Variants in TMEM247 observed in about 807,000 individuals in gnomAD.
TMEM247 encodes the protein transmembrane protein 247.
In TMEM247, 23 loss-of-function variants were observed where a neutral mutation model predicts 20.7. The ratio of observed to expected loss-of-function variants is 1.11; its 90% CI spans 0.80 to 1.57. The LOEUF is 1.57. Among genes scored for constraint, TMEM247 ranks in the 40% most tolerant of loss-of-function variants. The probability of loss-of-function intolerance (pLI) is 0.00; values close to 1 mark genes in which losing one functional copy is unlikely to be tolerated. For synonymous variants in TMEM247, 106 were observed against 111.9 expected, an observed-to-expected ratio of 0.95 and a Z score of 0.33; for missense variants, 354 against 283.8, an observed-to-expected ratio of 1.25 and a Z score of -1.78.
At chr2:46,482,691 AGTCCAGGG>A (rs1239395262) in intron 2 of TMEM247, among the ~76,000 whole-genome samples, 1 of 152,106 alleles carries the variant, frequency 6.6e-6, no homozygotes, top group Non-Finnish European at 1.5e-5. Flanking sequence ...CAGGTGGCAA[AGTCCAGGG>A]GTCCAGAGCC....
chr2:46,483,048 G>A (rs1686918711), intron 2 of TMEM247, among the ~76,000 whole-genome samples: 1 of 152,114 alleles, frequency 6.6e-6, no homozygotes, highest in Admixed American at 6.5e-5. Context: ...AGAGTGTATT[G>A]AATTGAAAAT....
chr2:46,481,366 G>A (rs1686886620), intron 2 of TMEM247, among the ~76,000 whole-genome samples: 1 of 152,226 alleles, frequency 6.6e-6, no homozygotes, highest in Admixed American at 6.5e-5. Flanking sequence ...TGGGGGATAA[G>A]AATGCCTACT....
chr2:46,482,525 A>G (rs1307552111), intron 2 of TMEM247, among the ~76,000 whole-genome samples: 2 of 152,360 alleles, frequency 1.3e-5, no homozygotes, highest in Non-Finnish European at 2.9e-5. Context: ...AATCTTTGGT[A>G]TATAGTCCTC....
intron 2 of TMEM247, among the ~76,000 whole-genome samples, chr2:46,481,012 G>A (rs536233244): frequency 6.6e-6 from 1 of 152,180 alleles, no homozygotes; most frequent in Admixed American, 6.5e-5. Context: ...GTTAAACAGA[G>A]CTTCCACGGG....
intron 1 of TMEM247, among the ~76,000 whole-genome samples, chr2:46,480,199 T>TTAA (rs3053620): frequency 0.091 from 13,887 of 152,172 alleles, 1,300 homozygotes; most frequent in East Asian, 0.53. Flanking sequence ...TAGGGCACTA[T>TTAA]TACTTTGTGC....
chr2:46,482,992 C>T (rs570453362), intron 2 of TMEM247, among the ~76,000 whole-genome samples: 10 of 152,292 alleles, frequency 6.6e-5, no homozygotes, highest in Non-Finnish European at 1.5e-4. Context: ...GTTGTACCTT[C>T]CTCTCTTCTC....
At chr2:46,482,875 T>C (rs193009487) in intron 2 of TMEM247, among the ~76,000 whole-genome samples, 2 of 152,368 alleles carry the variant, frequency 1.3e-5, no homozygotes, top group Admixed American at 6.5e-5. Context: ...TCACATTTTA[T>C]GCAGCTGTTT....
At chr2:46,483,810 A>T (rs188475993) in intron 2 of TMEM247, among the ~76,000 whole-genome samples, 1 of 152,276 alleles carries the variant, frequency 6.6e-6, no homozygotes, top group East Asian at 1.9e-4. Context: ...TTTTTAAGAA[A>T]CAGGATCTTG....
chr2:46,481,624 C>A (rs148765505), intron 2 of TMEM247, among the ~76,000 whole-genome samples: 59 of 152,324 alleles, frequency 3.9e-4, no homozygotes, highest in African/African-American at 1.3e-3. Context: ...AGAACACACG[C>A]AAAGCACTTT....
In TMEM247 at chr2:46,480,706, G is replaced by GGGAGC. The variant is rs1467821499; in HGVS notation, c.422_426dup (p.Gln143SerfsTer7). Reference sequence around the variant, plus strand: ...GAGGTGGTGATGGAGCAGCTGCAGCGGGAGCGGCAGCACGAGGTGGTGATG... The same window carrying GGGAGC: ...GAGGTGGTGATGGAGCAGCTGCAGCGGGAGCGGAGCGGCAGCACGAGGTGGTGATG... On this transcript the variant is annotated frameshift_variant, in exon 2 of 3. Coordinates refer to ENST00000434431, the Ensembl canonical transcript of TMEM247. LOFTEE classifies it high-confidence loss of function. 1.9e-6 allele frequency: 3 copies of GGGAGC among 1,550,788 alleles called. No homozygotes were observed. In the South Asian group the frequency reaches 3.6e-5, roughly 18 times the overall value.
intron 2 of TMEM247, among the ~76,000 whole-genome samples, chr2:46,481,251 C>T (rs939731214): frequency 3.3e-5 from 5 of 152,224 alleles, no homozygotes; most frequent in Admixed American, 6.5e-5. Context: ...CATCACCTCC[C>T]CGATCAGGGC....
chr2:46,481,148 C>T (rs1185376119), intron 2 of TMEM247, among the ~76,000 whole-genome samples: 1 of 152,180 alleles, frequency 6.6e-6, no homozygotes, highest in Non-Finnish European at 1.5e-5. Flanking sequence ...TCTTCCACCG[C>T]TCACAAGTCC....
Position 46,484,234 on chromosome 2 carries a change from TC to T in TMEM247, c.478-5del, listed in dbSNP as rs1374584185. 1 of 1,546,438 alleles carries T rather than the reference TC, an allele frequency of 6.5e-7. No homozygotes were observed. Among genetic ancestry groups the T allele is most frequent in the East Asian group, 2.4e-5 (1 of 40,884 alleles). The stretch of plus-strand genomic sequence containing the variant: ...GCATCATCATCTCCACTGTCTTCTC[TC>T]CCCCACAGTTTTCAGGAGGCCTCCA... On this transcript the variant is annotated splice_polypyrimidine_tract_variant and intron_variant, in intron 2 of 2. Coordinates refer to ENST00000434431, the Ensembl canonical transcript of TMEM247.
chr2:46,482,521 T>C (rs1160365101), intron 2 of TMEM247, among the ~76,000 whole-genome samples: 2 of 152,238 alleles, frequency 1.3e-5, no homozygotes, highest in Non-Finnish European at 2.9e-5. Flanking sequence ...TGGAAATCTT[T>C]GGTATATAGT....
intron 2 of TMEM247, among the ~76,000 whole-genome samples, chr2:46,482,292 A>G (rs569151680): frequency 6.6e-6 from 1 of 152,344 alleles, no homozygotes; most frequent in African/African-American, 2.4e-5. Context: ...CCTATTGCTT[A>G]GACTTTAGCA....
At chr2:46,479,660 G>A in exon 1 of TMEM247, 1 of 1,551,774 alleles carries the variant, frequency 6.4e-7, no homozygotes, top group Non-Finnish European at 8.7e-7. Context: ...CCAAGATGGT[G>A]CCTGGTGACT....
exon 2 of TMEM247, chr2:46,480,455 G>A (rs1412937059): frequency 1.9e-6 from 3 of 1,551,478 alleles, no homozygotes; most frequent in Admixed American, 2.0e-5. Flanking sequence ...TGGAAGAGAT[G>A]GAAGCTTGTG....
At position 46,480,615 on chromosome 2, in the gene TMEM247, C is replaced by G. The variant is rs547792479; in HGVS notation, c.328C>G (p.Arg110Gly). ...TCCCGAGATGGAGCTGGAGAAGGTG[C>G]GCATGGAGTTCGAGCTCACGCGGCT... Residue 110 changes from arginine to glycine, a missense_variant, in exon 2 of 3, where the codon CGC becomes GGC. By Grantham distance (125) the Arg-to-Gly change is moderately radical. Transcript: ENST00000434431. 3.4e-6 allele frequency: 5 copies of G among 1,458,274 alleles called. No homozygotes were observed. In the South Asian group the frequency reaches 6.1e-5, roughly 18 times the overall value. 90.3% of individuals were successfully genotyped at this position (1,458,274 alleles called of 1,614,324 possible). A position where few individuals can be genotyped will look rare whatever the true frequency, so the allele number is the denominator to read the frequency against.
intron 2 of TMEM247, among the ~76,000 whole-genome samples, chr2:46,483,293 C>G (rs76224375): frequency 0.013 from 1,903 of 152,170 alleles, 27 homozygotes; most frequent in East Asian, 0.018. Context: ...AAAGAGCAAC[C>G]CACAGACAGA....
Sources: gnomAD v4.1 joint callset for allele counts (sites outside exome capture counted in the v4.1 genomes callset) on GRCh38, gnomAD v4.1.1 for gene constraint, MANE v1.5 for transcripts, NCBI Gene and HGNC (gene_info 2026-07-23, HGNC 2026-07-21) for gene names.